Variants in DLG2 observed in about 807,000 individuals in gnomAD.
DLG2 encodes discs large MAGUK scaffold protein 2.
A neutral mutation model predicts 132.5 loss-of-function variants in DLG2; 45 were observed. The observed-to-expected ratio is 0.34, with a 90% CI of 0.27 to 0.44. The LOEUF is 0.44. Among genes scored for constraint, DLG2 ranks in the 20% least tolerant of loss-of-function variants. The pLI, the probability that DLG2 is intolerant of heterozygous loss-of-function variation, is 1.00. For missense variants in DLG2, 1,045 were observed against 1,196.9 expected, an observed-to-expected ratio of 0.87 and a Z score of 1.87; for synonymous variants, 424 against 419.6, an observed-to-expected ratio of 1.01 and a Z score of -0.13.
intron 9 of DLG2, among the ~76,000 whole-genome samples, chr11:84,145,125 CT>C (rs1395389882): frequency 6.6e-6 from 1 of 152,190 alleles, no homozygotes; most frequent in African/African-American, 2.4e-5. Context: ...AATAAATCTA[CT>C]TTGATTAGAA....
Position 84,724,234 on chromosome 11 carries a change from A to G in DLG2, c.358-189503T>C, listed in dbSNP as rs578137771. Among the ~76,000 whole-genome samples, 9 of 152,210 alleles carry G rather than the reference A, an allele frequency of 5.9e-5. No homozygotes were observed. The South Asian group carries it at 1.9e-3, about 32-fold the overall frequency. On this transcript the variant is annotated intron_variant, in intron 6 of 27. Coordinates refer to ENST00000376104, the MANE Select transcript of DLG2 (RefSeq NM_001142699.3). Reference sequence around the variant, plus strand: ...AAATAGGTATACTAGATTATTTCTAAGTTTGCTTCCAATGTTGAAGTTCTC... The same window carrying G: ...AAATAGGTATACTAGATTATTTCTAGGTTTGCTTCCAATGTTGAAGTTCTC...
At chr11:83,612,728 G>A (rs2060285994) in intron 19 of DLG2, among the ~76,000 whole-genome samples, 1 of 152,110 alleles carries the variant, frequency 6.6e-6, no homozygotes, top group Admixed American at 6.5e-5. Flanking sequence ...AAACCATTAA[G>A]AACCCCATAA....
chr11:84,029,110 T>G (rs117152406), intron 11 of DLG2, among the ~76,000 whole-genome samples: 1,672 of 152,188 alleles, frequency 0.011, 12 homozygotes, highest in Middle Eastern at 0.027. Flanking sequence ...TATTAGCAAT[T>G]TATACCTATA....
intron 5 of DLG2, among the ~76,000 whole-genome samples, chr11:85,120,638 T>C (rs1481432162): frequency 1.3e-5 from 2 of 151,910 alleles, no homozygotes; most frequent in Non-Finnish European, 2.9e-5. Context: ...GCATCAAAGG[T>C]TATATTTCTC....
intron 2 of DLG2, among the ~76,000 whole-genome samples, chr11:85,622,480 G>A (rs1224887598): frequency 6.6e-6 from 1 of 151,790 alleles, no homozygotes; most frequent in Non-Finnish European, 1.5e-5. Context: ...TGAAAACAGA[G>A]TATACCCGAT....
At chr11:84,815,638 A>G (rs2077010728) in intron 6 of DLG2, among the ~76,000 whole-genome samples, 1 of 152,100 alleles carries the variant, frequency 6.6e-6, no homozygotes, top group Admixed American at 6.6e-5. Flanking sequence ...CTTCATTAAG[A>G]AGAAAATTAC....
chr11:83,732,779 G>C (rs1441396041), intron 18 of DLG2, among the ~76,000 whole-genome samples: 2 of 152,186 alleles, frequency 1.3e-5, no homozygotes, highest in Non-Finnish European at 2.9e-5. Flanking sequence ...AGTTCAGATG[G>C]AAGCTCTTTC....
rs148243305 is a variant in DLG2, at chr11:84,481,001, A to T, written c.519+53569T>A. Among the ~76,000 whole-genome samples the T allele has an allele frequency of 4.0e-5, 6 of 151,846 alleles. No homozygotes were observed. In the East Asian group the frequency reaches 9.7e-4, roughly 25 times the overall value. On this transcript the variant is annotated intron_variant, in intron 7 of 27. Coordinates refer to ENST00000376104, the MANE Select transcript of DLG2 (RefSeq NM_001142699.3). ...TGGTCTGCCCACCTCGGCCTCCCAAAGTGCTGGGATTACAGGTGTGAGCCA... is the reference window on the plus strand; with the variant it reads ...TGGTCTGCCCACCTCGGCCTCCCAATGTGCTGGGATTACAGGTGTGAGCCA...
At chr11:85,270,131 C>T (rs186394108) in intron 4 of DLG2, among the ~76,000 whole-genome samples, 74 of 152,210 alleles carry the variant, frequency 4.9e-4, no homozygotes, top group Non-Finnish European at 6.2e-4. Context: ...GTGTCCCCAC[C>T]CAAATCTCAT....
In DLG2 at chr11:85,500,019, C is replaced by T. The variant is rs182867750; in HGVS notation, c.40+98638G>A. On this transcript the variant is annotated intron_variant, in intron 3 of 27. Coordinates refer to ENST00000376104, the MANE Select transcript of DLG2 (RefSeq NM_001142699.3). ...TGAATGGGCAAAAGCTAGAAGCATT[C>T]CCTTTGAAAACTGGCACAAGACAAG... Among the ~76,000 whole-genome samples, 100 of 152,200 alleles carry T rather than the reference C, an allele frequency of 6.6e-4. 1 individual carries two copies. The highest frequency in any genetic ancestry group is 1.1e-3 in the Non-Finnish European group (72 of 68,002).
chr11:85,386,929 T>C (rs1379572844), intron 3 of DLG2, among the ~76,000 whole-genome samples: 1 of 151,264 alleles, frequency 6.6e-6, no homozygotes, highest in South Asian at 2.1e-4. Flanking sequence ...AGTTTTGCTC[T>C]TGTCACCTAG....
intron 14 of DLG2, among the ~76,000 whole-genome samples, chr11:83,949,789 G>A (rs2084940975): frequency 6.6e-6 from 1 of 152,060 alleles, no homozygotes; most frequent in African/African-American, 2.4e-5. Context: ...CAAAAGTCAT[G>A]CTACTTCCTT....
chr11:84,934,515 G>GTTTTTTTTT (rs2048482997), intron 6 of DLG2, among the ~76,000 whole-genome samples: 2 of 40,508 alleles, frequency 4.9e-5, no homozygotes, highest in African/African-American at 2.1e-4. Flanking sequence ...TTTTTTTTTT[G>GTTTTTTTTT]TTTTGTTTTG....
chr11:84,119,754 C>T (rs957082585), intron 9 of DLG2, among the ~76,000 whole-genome samples: 4 of 152,074 alleles, frequency 2.6e-5, no homozygotes, highest in East Asian at 1.9e-4. Context: ...AAAGAGTATA[C>T]GAATCTTTTT....
At chr11:84,366,637 A>G (rs1211747585) in intron 7 of DLG2, among the ~76,000 whole-genome samples, 1 of 152,226 alleles carries the variant, frequency 6.6e-6, no homozygotes, top group Non-Finnish European at 1.5e-5. Flanking sequence ...CAAATGGAAA[A>G]CAAAAAAAGG....
chr11:84,609,199 C>A (rs999010230), intron 6 of DLG2, among the ~76,000 whole-genome samples: 2 of 152,130 alleles, frequency 1.3e-5, no homozygotes, highest in Admixed American at 6.6e-5. Flanking sequence ...ATTCTGATCT[C>A]GAGAGCTAAG....
chr11:85,609,558 G>A (rs2080842992), intron 2 of DLG2, among the ~76,000 whole-genome samples: 1 of 152,182 alleles, frequency 6.6e-6, no homozygotes, highest in Non-Finnish European at 1.5e-5. Flanking sequence ...ATTGTCCAAT[G>A]AGAAACAAGC....
chr11:84,233,404 C>T (rs1567011150), intron 8 of DLG2, among the ~76,000 whole-genome samples: 1 of 152,160 alleles, frequency 6.6e-6, no homozygotes, highest in African/African-American at 2.4e-5. Context: ...AAGCTGAAAA[C>T]ATAAATAAGC....
intron 15 of DLG2, among the ~76,000 whole-genome samples, chr11:83,929,972 A>G (rs570268232): frequency 1.3e-5 from 2 of 152,330 alleles, no homozygotes; most frequent in African/African-American, 4.8e-5. Flanking sequence ...TTATTTAAAA[A>G]TATTCAACAA....
Sources: gnomAD v4.1 joint callset for allele counts (sites outside exome capture counted in the v4.1 genomes callset) on GRCh38, gnomAD v4.1.1 for gene constraint, MANE v1.5 for transcripts, NCBI Gene and HGNC (gene_info 2026-07-23, HGNC 2026-07-21) for gene names.